TRPC5: variants seen among roughly 807,000 people sequenced by gnomAD.
TRPC5 encodes the protein short transient receptor potential channel 5.
TRPC5 carries 9 observed loss-of-function variants against 56.5 expected under a neutral mutation model. The ratio of observed to expected loss-of-function variants is 0.16; its 90% CI spans 0.10 to 0.28. TRPC5 has a LOEUF of 0.28. Among genes scored for constraint, TRPC5 ranks in the 10% least tolerant of loss-of-function variants. The pLI is 1.00. For synonymous variants in TRPC5, 282 were observed against 278.5 expected (o/e 1.01, Z -0.13); for missense variants, 469 against 748.9 (o/e 0.63, Z 4.36).
At chrX:111,818,111 G>A (rs1039866513) in intron 7 of TRPC5, among the ~76,000 whole-genome samples, 9 of 111,547 alleles carry the variant, frequency 8.1e-5, no homozygotes, top group Admixed American at 2.9e-4. Flanking sequence ...CTCAAGGCTC[G>A]ACTCCGCAAG....
chrX:111,970,345 A>C (rs371621400), intron 1 of TRPC5, among the ~76,000 whole-genome samples: 15 of 111,921 alleles, frequency 1.3e-4, no homozygotes, highest in East Asian at 1.1e-3. Context: ...GAGTTCTGCC[A>C]AATAATGATC....
At position 111,770,524 on chromosome X, in the gene TRPC5, G is replaced by T. The variant is rs951621428; in HGVS notation, c.*5789C>A. Among the ~76,000 whole-genome samples, 2 of 111,802 alleles carry T rather than the reference G, an allele frequency of 1.8e-5. No individual in the cohort carries two copies. The highest frequency in any genetic ancestry group is 3.8e-5 in the Non-Finnish European group (2 of 53,124). On this transcript the variant is annotated 3_prime_UTR_variant, in exon 11 of 11. Coordinates refer to ENST00000262839, the MANE Select transcript of TRPC5 (RefSeq NM_012471.3). Reference sequence around the variant, plus strand: ...CATTTTAAATTATATTTTTAATTCAGGTTATTCATCTCAATTTGGCCATCC... The same window carrying T: ...CATTTTAAATTATATTTTTAATTCATGTTATTCATCTCAATTTGGCCATCC...
intron 10 of TRPC5, 56 bp from the exon 11 acceptor site, chrX:111,777,058 A>G: frequency 2.0e-6 from 2 of 985,254 alleles, no homozygotes; most frequent in Non-Finnish European, 2.7e-6. Context: ...ATTTCAAAGT[A>G]GGCACATTAG....
intron 6 of TRPC5, among the ~76,000 whole-genome samples, chrX:111,842,505 C>T (rs1383900177): frequency 8.9e-6 from 1 of 111,812 alleles, no homozygotes; most frequent in Non-Finnish European, 1.9e-5. Flanking sequence ...TATACAGAGT[C>T]TTCATGTGTA....
chrX:112,016,188 T>C (rs1394704863), intron 1 of TRPC5, among the ~76,000 whole-genome samples: 2 of 110,805 alleles, frequency 1.8e-5, no homozygotes, highest in African/African-American at 3.3e-5. Context: ...TGGGAGGAAA[T>C]TGGTTAGTGA....
intron 1 of TRPC5, among the ~76,000 whole-genome samples, chrX:112,038,389 T>C (rs1569529955): frequency 8.9e-6 from 1 of 112,172 alleles, no homozygotes; most frequent in Non-Finnish European, 1.9e-5. Context: ...TTCAGTGTGC[T>C]GTATCCAGCA....
At chrX:111,852,506 C>G in intron 4 of TRPC5, 69 bp from the exon 5 acceptor site, 6 of 1,042,296 alleles carry the variant, frequency 5.8e-6, no homozygotes, top group East Asian at 3.4e-5. Flanking sequence ...AGGATTCCCC[C>G]CTCCAGGTGA....
At chrX:112,060,648 G>T (rs1018620832) in intron 1 of TRPC5, among the ~76,000 whole-genome samples, 40 of 111,716 alleles carry the variant, frequency 3.6e-4, no homozygotes, top group African/African-American at 1.2e-3. Flanking sequence ...TCCACTGGGG[G>T]TGCACATGAA....
At chrX:111,961,786 C>T (rs1394433836) in intron 1 of TRPC5, among the ~76,000 whole-genome samples, 1 of 111,946 alleles carries the variant, frequency 8.9e-6, no homozygotes, top group Non-Finnish European at 1.9e-5. Flanking sequence ...GAACTTCTTC[C>T]TAAATTATTT....
intron 3 of TRPC5, among the ~76,000 whole-genome samples, chrX:111,880,115 T>C (rs966163401): frequency 9.0e-6 from 1 of 111,499 alleles, no homozygotes; most frequent in Non-Finnish European, 1.9e-5. Context: ...CATGGCTATT[T>C]TCCTACAGCT....
chrX:112,013,077 T>A (rs1166284651), intron 1 of TRPC5, among the ~76,000 whole-genome samples: 2 of 112,287 alleles, frequency 1.8e-5, no homozygotes, highest in Non-Finnish European at 3.8e-5. Context: ...TATAGCCCTA[T>A]CTTTATAGAA....
intron 1 of TRPC5, among the ~76,000 whole-genome samples, chrX:112,069,423 A>T (rs1930661828): frequency 9.0e-6 from 1 of 111,646 alleles, no homozygotes; most frequent in Non-Finnish European, 1.9e-5. Flanking sequence ...GGGAATGCAT[A>T]CTTGTCTGAG....
intron 7 of TRPC5, among the ~76,000 whole-genome samples, chrX:111,819,500 A>G (rs1921967760): frequency 9.0e-6 from 1 of 111,342 alleles, no homozygotes; most frequent in Non-Finnish European, 1.9e-5. Context: ...TGAGGGAACC[A>G]TAATGTAAGA....
At chrX:111,977,965 A>G (rs761518452) in intron 1 of TRPC5, among the ~76,000 whole-genome samples, 6 of 111,450 alleles carry the variant, frequency 5.4e-5, no homozygotes, top group Admixed American at 4.8e-4. Flanking sequence ...AAAACAAAAT[A>G]TAAGTGTTGG....
intron 6 of TRPC5, among the ~76,000 whole-genome samples, chrX:111,835,850 A>C (rs1028080052): frequency 1.8e-5 from 2 of 112,153 alleles, no homozygotes. Flanking sequence ...GAGCTTGAGG[A>C]TTCTCAAATT....
At chrX:111,923,285 C>G (rs1926171091) in intron 2 of TRPC5, among the ~76,000 whole-genome samples, 2 of 112,154 alleles carry the variant, frequency 1.8e-5, no homozygotes, top group African/African-American at 6.5e-5. Context: ...ACCTAATGTT[C>G]TACCTTAAAC....
chrX:111,990,284 G>C (rs1459453703), intron 1 of TRPC5, among the ~76,000 whole-genome samples: 1 of 110,502 alleles, frequency 9.0e-6, no homozygotes, highest in African/African-American at 3.3e-5. Context: ...CAGGCATGGT[G>C]GTGGGCACCT....
chrX:111,975,773 G>A (rs1446822613), intron 1 of TRPC5, among the ~76,000 whole-genome samples: 3 of 111,875 alleles, frequency 2.7e-5, no homozygotes, highest in Admixed American at 9.5e-5. Context: ...GCGTGGCGGC[G>A]TGCGCCTGTA....
chrX:112,081,763 A>G (rs1930971774), intron 1 of TRPC5, 116 bp downstream of exon 1: 1 of 111,527 alleles, frequency 9.0e-6, no homozygotes, highest in African/African-American at 3.3e-5. Flanking sequence ...CAGCCAGTCA[A>G]TGCTTCTCCG....
Sources: allele counts gnomAD v4.1 joint callset (sites outside exome capture counted in the v4.1 genomes callset), GRCh38; gene constraint gnomAD v4.1.1; transcripts MANE v1.5; gene names NCBI Gene and HGNC (gene_info 2026-07-23, HGNC 2026-07-21).